The following CDK17 variants were observed in gnomAD, a reference collection of about 807,000 sequenced individuals.
CDK17 encodes the protein cyclin-dependent kinase 17.
CDK17 carries 24 observed loss-of-function variants against 77.6 expected under a neutral mutation model. That is an observed-to-expected ratio of 0.31 (90% CI 0.22 to 0.44). The LOEUF (loss-of-function observed/expected upper bound fraction) is 0.44. Among genes scored for constraint, CDK17 ranks in the 20% least tolerant of loss-of-function variants. The pLI is 1.00. For missense variants in CDK17, 429 were observed against 622.5 expected (o/e 0.69, Z 3.31); for synonymous variants, 203 against 210.4 (o/e 0.96, Z 0.30).
intron 1 of CDK17, among the ~76,000 whole-genome samples, chr12:96,365,001 T>A (rs1235337431): frequency 6.6e-6 from 1 of 152,232 alleles, no homozygotes; most frequent in African/African-American, 2.4e-5. Flanking sequence ...TTTATATATA[T>A]CACAAATAGG....
intron 1 of CDK17, among the ~76,000 whole-genome samples, chr12:96,351,048 A>G (rs1953303941): frequency 6.6e-6 from 1 of 152,222 alleles, no homozygotes; most frequent in African/African-American, 2.4e-5. Context: ...CATCGCACCA[A>G]AGATATACCA....
In CDK17 at chr12:96,365,574, AG is replaced by A. The variant is rs575826134; in HGVS notation, c.-29-30710del. ...AATTAAGCAATATTCTTGAATAGTC[AG>A]AACCCTCTTGATAATCTGTTTCAAA... On this transcript the variant is annotated intron_variant, in intron 1 of 16. Transcript: ENST00000261211. 1.1e-4 allele frequency among the ~76,000 whole-genome samples: 17 copies of A among 152,382 alleles called. No individual in the cohort carries two copies. The South Asian group carries it at 1.5e-3, about 13-fold the overall frequency.
At chr12:96,318,473 C>T (rs11536108) in intron 3 of CDK17, among the ~76,000 whole-genome samples, 6,943 of 127,892 alleles carry the variant, frequency 0.054, 217 homozygotes, top group South Asian at 0.14. Context: ...CAGAACTCTC[C>T]ACCCCAAATC....
At chr12:96,380,263 C>T (rs1953857962) in intron 1 of CDK17, among the ~76,000 whole-genome samples, 1 of 146,174 alleles carries the variant, frequency 6.8e-6, no homozygotes, top group Admixed American at 7.0e-5. Flanking sequence ...AAAAAAGGCA[C>T]AAGTAGCTCT....
intron 1 of CDK17, among the ~76,000 whole-genome samples, chr12:96,350,647 C>G (rs1224920953): frequency 6.6e-6 from 1 of 152,038 alleles, no homozygotes; most frequent in Non-Finnish European, 1.5e-5. Flanking sequence ...GCAAATGGTG[C>G]TGGGAAAACT....
intron 13 of CDK17, among the ~76,000 whole-genome samples, chr12:96,285,101 A>T (rs765037297): frequency 5.3e-5 from 8 of 152,180 alleles, no homozygotes; most frequent in Non-Finnish European, 1.0e-4. Flanking sequence ...CTTCAAAGAA[A>T]AGCTTCAACC....
At chr12:96,382,646 A>C (rs1266502134) in intron 1 of CDK17, among the ~76,000 whole-genome samples, 2 of 152,206 alleles carry the variant, frequency 1.3e-5, no homozygotes, top group Non-Finnish European at 2.9e-5. Context: ...GCAGCACATC[A>C]AAATGTTAAT....
intron 1 of CDK17, among the ~76,000 whole-genome samples, chr12:96,392,597 G>GT (rs1171614046): frequency 3.3e-5 from 5 of 152,160 alleles, no homozygotes; most frequent in Non-Finnish European, 5.9e-5. Context: ...ACAGAAAAGC[G>GT]TAAGAAAGAA....
chr12:96,339,974 T>A (rs1032768779), intron 1 of CDK17, among the ~76,000 whole-genome samples: 1 of 152,074 alleles, frequency 6.6e-6, no homozygotes, highest in Non-Finnish European at 1.5e-5. Flanking sequence ...ATATTTTAGA[T>A]GTTTAAGTAA....
At position 96,340,623 on chromosome 12, in the gene CDK17, G is replaced by A. The variant is rs564839132; in HGVS notation, c.-29-5758C>T. Among the ~76,000 whole-genome samples the A allele has an allele frequency of 7.2e-5, 11 of 152,006 alleles. No individual in the cohort carries two copies. The South Asian group carries it at 8.3e-4, about 11-fold the overall frequency. On this transcript the variant is annotated intron_variant, in intron 1 of 16. Coordinates refer to ENST00000261211, the MANE Select transcript of CDK17 (RefSeq NM_002595.5). ...AGAACTGTGCATATCAACTTTTTTC[G>A]TTAGCTGAGAACAAAGGCACATATG...
intron 1 of CDK17, among the ~76,000 whole-genome samples, chr12:96,371,683 G>C (rs1159847993): frequency 6.6e-6 from 1 of 151,978 alleles, no homozygotes; most frequent in African/African-American, 2.4e-5. Flanking sequence ...GGTGAGCCGA[G>C]ATCAGGCCAT....
chr12:96,299,385 T>C lies in CDK17; in HGVS notation c.601-402A>G, dbSNP rs972604486. Among the ~76,000 whole-genome samples, 5 of 120,028 alleles carry C rather than the reference T, an allele frequency of 4.2e-5. No individual in the cohort carries two copies. The South Asian group carries it at 1.2e-3, about 28-fold the overall frequency. 78.7% of individuals were successfully genotyped at this position (120,028 alleles called of 152,430 possible). A position where few individuals can be genotyped will look rare whatever the true frequency, so the allele number is the denominator to read the frequency against. On this transcript the variant is annotated intron_variant, in intron 6 of 16. Transcript: ENST00000261211. ...ACATAATGTACATATTGTTAAATGA[T>C]AAATTTTTTTTTTTTTTTTTTTTGA...
At chr12:96,291,064 T>C (rs1487893060) in intron 10 of CDK17, among the ~76,000 whole-genome samples, 1 of 148,582 alleles carries the variant, frequency 6.7e-6, no homozygotes, top group African/African-American at 2.5e-5. Context: ...CAACTTATAG[T>C]ATAAATACTC....
intron 1 of CDK17, among the ~76,000 whole-genome samples, chr12:96,343,253 C>A (rs1320576370): frequency 6.6e-6 from 1 of 152,180 alleles, no homozygotes; most frequent in African/African-American, 2.4e-5. Flanking sequence ...ACACTAAAAA[C>A]AACCAGGAAA....
At chr12:96,297,789 C>A in intron 7 of CDK17, 68 bp from the exon 8 acceptor site, 1 of 819,338 alleles carries the variant, frequency 1.2e-6, no homozygotes, top group South Asian at 1.5e-5. Context: ...GTAAGTTGAA[C>A]ATACGAACTG....
At chr12:96,335,846 T>C (rs1156364745) in intron 1 of CDK17, among the ~76,000 whole-genome samples, 1 of 152,192 alleles carries the variant, frequency 6.6e-6, no homozygotes, top group Non-Finnish European at 1.5e-5. Context: ...TAACTTGGTA[T>C]TTCTATGATG....
intron 1 of CDK17, among the ~76,000 whole-genome samples, chr12:96,395,995 G>A (rs1464851613): frequency 6.6e-6 from 1 of 152,158 alleles, no homozygotes; most frequent in East Asian, 1.9e-4. Context: ...AAAATAAGGT[G>A]ATATCAAAAA....
chr12:96,323,947 C>A lies in CDK17; in HGVS notation c.283+1G>T. On this transcript the variant is annotated splice_donor_variant, in intron 3 of 16. Transcript: ENST00000261211. LOFTEE classifies it high-confidence loss of function. ...ACACAACAGACAAGTAATCAAATTA[C>A]CTAATCTGCTTCCATTTCTGGGCAT... 1 of 1,576,786 alleles carries A rather than the reference C, an allele frequency of 6.3e-7. No individual in the cohort carries two copies. Among genetic ancestry groups the A allele is most frequent in the Non-Finnish European group, 8.6e-7 (1 of 1,161,114 alleles).
chr12:96,333,008 T>C (rs1952993193), intron 2 of CDK17, among the ~76,000 whole-genome samples: 1 of 152,176 alleles, frequency 6.6e-6, no homozygotes, highest in South Asian at 2.1e-4. Flanking sequence ...TGTAGTCAAA[T>C]ACTAAAAATA....
Sources: gnomAD v4.1 joint callset for allele counts (sites outside exome capture counted in the v4.1 genomes callset) on GRCh38, gnomAD v4.1.1 for gene constraint, MANE v1.5 for transcripts, NCBI Gene and HGNC (gene_info 2026-07-23, HGNC 2026-07-21) for gene names.